The following ZNF423 variants were observed in gnomAD, a reference collection of about 807,000 sequenced individuals.
ZNF423 encodes the protein zinc finger protein 423, also known as Ebf-associated zinc finger protein.
In ZNF423, 12 loss-of-function variants were observed where a neutral mutation model predicts 95.8. That is an observed-to-expected ratio of 0.13 (90% CI 0.08 to 0.20). ZNF423 has a LOEUF of 0.20. Ranked by LOEUF, ZNF423 falls within the 10% of genes least tolerant of loss-of-function variation. The pLI, the probability that ZNF423 is intolerant of heterozygous loss-of-function variation, is 1.00. For missense variants in ZNF423, 1,316 were observed against 1,737.1 expected, an observed-to-expected ratio of 0.76 and a Z score of 4.31; for synonymous variants, 749 against 711.9, an observed-to-expected ratio of 1.05 and a Z score of -0.83.
intron 5 of ZNF423, among the ~76,000 whole-genome samples, chr16:49,621,571 C>T (rs1972085814): frequency 6.6e-6 from 1 of 152,176 alleles, no homozygotes; most frequent in Admixed American, 6.5e-5. Context: ...CTCAGACCCC[C>T]AAGTGCCCTG....
At chr16:49,774,854 G>C (rs2034094527) in intron 2 of ZNF423, among the ~76,000 whole-genome samples, 2 of 152,042 alleles carry the variant, frequency 1.3e-5, no homozygotes, top group Admixed American at 1.3e-4. Context: ...ATAGGTGGTA[G>C]TCAAAAAAAG....
chr16:49,803,892 G>GA (rs2034618352), intron 1 of ZNF423, among the ~76,000 whole-genome samples: 1 of 151,340 alleles, frequency 6.6e-6, no homozygotes, highest in African/African-American at 2.4e-5. Context: ...CCCCAGAGCA[G>GA]ACTCAGGGGT....
intron 1 of ZNF423, among the ~76,000 whole-genome samples, chr16:49,813,452 C>T (rs966169722): frequency 7.2e-5 from 11 of 152,172 alleles, no homozygotes; most frequent in South Asian, 2.1e-4. Context: ...GCCCCTAACC[C>T]TAACCTCAAT....
At chr16:49,575,136 G>A (rs1597124087) in intron 5 of ZNF423, among the ~76,000 whole-genome samples, 2 of 152,108 alleles carry the variant, frequency 1.3e-5, no homozygotes, top group African/African-American at 4.8e-5. Flanking sequence ...GAAGAAAGTG[G>A]CTCATTCACG....
intron 4 of ZNF423, among the ~76,000 whole-genome samples, chr16:49,633,388 G>C (rs117556192): frequency 2.0e-5 from 3 of 152,156 alleles, no homozygotes; most frequent in African/African-American, 7.2e-5. Context: ...AGTCACAATG[G>C]TTCACAAATG....
At chr16:49,854,992 C>A (rs2035343727) in intron 1 of ZNF423, 2 of 984,828 alleles carry the variant, frequency 2.0e-6, no homozygotes, top group Non-Finnish European at 2.4e-6. Context: ...GGGGCGCGCA[C>A]CGCGGCCGCT....
chr16:49,521,699 T>A (rs1597043771), intron 7 of ZNF423, among the ~76,000 whole-genome samples: 1 of 152,220 alleles, frequency 6.6e-6, no homozygotes, highest in South Asian at 2.1e-4. Flanking sequence ...AGGCCTCATG[T>A]ACAATACACA....
At chr16:49,561,381 G>A (rs1970011224) in intron 5 of ZNF423, among the ~76,000 whole-genome samples, 1 of 152,000 alleles carries the variant, frequency 6.6e-6, no homozygotes, top group African/African-American at 2.4e-5. Flanking sequence ...ATGTATAGAG[G>A]CATATATAGA....
intron 5 of ZNF423, among the ~76,000 whole-genome samples, chr16:49,531,355 T>A (rs1968838983): frequency 6.6e-6 from 1 of 151,670 alleles, no homozygotes; most frequent in Non-Finnish European, 1.5e-5. Context: ...CGGTAAATGG[T>A]CCTTGGAGAG....
upstream of ZNF423, among the ~76,000 whole-genome samples, chr16:49,856,714 G>T (rs1466277834): frequency 1.3e-5 from 2 of 148,542 alleles, no homozygotes; most frequent in African/African-American, 4.9e-5. Context: ...GGCGGCGGCC[G>T]GCAGGCGCGC....
intron 5 of ZNF423, among the ~76,000 whole-genome samples, chr16:49,536,013 C>T (rs1485914299): frequency 6.6e-6 from 1 of 152,192 alleles, no homozygotes; most frequent in African/African-American, 2.4e-5. Flanking sequence ...CAAGGGTTTT[C>T]TCTACTGCCG....
At chr16:49,845,769 C>G (rs1306043829) in intron 1 of ZNF423, among the ~76,000 whole-genome samples, 1 of 151,840 alleles carries the variant, frequency 6.6e-6, no homozygotes, top group Non-Finnish European at 1.5e-5. Context: ...GTCTCGAACT[C>G]CTGAGCTCAA....
intron 5 of ZNF423, among the ~76,000 whole-genome samples, chr16:49,550,899 A>T (rs563699156): frequency 2.6e-5 from 4 of 151,654 alleles, no homozygotes; most frequent in Non-Finnish European, 5.9e-5. Context: ...CCTGGGAGTG[A>T]CCTCCATCAG....
intron 1 of ZNF423, among the ~76,000 whole-genome samples, chr16:49,805,541 A>ACAAACAGTAATTAACTGGC (rs1567351508): frequency 6.6e-6 from 1 of 152,230 alleles, no homozygotes; most frequent in Admixed American, 6.5e-5. Context: ...CCCCTTCAAA[A>ACAAACAGTAATTAACTGGC]CAAACAGTAA....
intron 3 of ZNF423, among the ~76,000 whole-genome samples, chr16:49,677,312 G>GAAGA (rs1567284159): frequency 1.5e-4 from 3 of 19,646 alleles, no homozygotes; most frequent in Non-Finnish European, 3.3e-4. Flanking sequence ...AGAAGAGAAA[G>GAAGA]GAGGGGAAGG....
chr16:49,838,376 A>AT (rs2035143791), intron 1 of ZNF423, among the ~76,000 whole-genome samples: 2 of 152,192 alleles, frequency 1.3e-5, no homozygotes, highest in Admixed American at 6.5e-5. Context: ...TCACGTACCT[A>AT]TTTCACAGGG....
intron 2 of ZNF423, among the ~76,000 whole-genome samples, chr16:49,736,001 C>T (rs917831091): frequency 7.2e-5 from 11 of 152,304 alleles, no homozygotes; most frequent in East Asian, 1.9e-4. Context: ...CGCCCCACAC[C>T]GGACTATAAG....
intron 2 of ZNF423, among the ~76,000 whole-genome samples, chr16:49,750,015 TG>T (rs1567326039): frequency 6.6e-6 from 1 of 152,002 alleles, no homozygotes; most frequent in Admixed American, 6.5e-5. Context: ...GGTGGAGAGT[TG>T]GGGCTGACCT....
At chr16:49,585,813 C>G (rs568393344) in intron 5 of ZNF423, among the ~76,000 whole-genome samples, 1 of 152,246 alleles carries the variant, frequency 6.6e-6, no homozygotes, top group Non-Finnish European at 1.5e-5. Context: ...GAGAGGCAAG[C>G]CATGGAGTCA....
Sources: allele counts gnomAD v4.1 joint callset (sites outside exome capture counted in the v4.1 genomes callset), GRCh38; gene constraint gnomAD v4.1.1; transcripts MANE v1.5; gene names NCBI Gene and HGNC (gene_info 2026-07-23, HGNC 2026-07-21).